Variants in RALGPS1 observed in about 807,000 individuals in gnomAD.
RALGPS1 encodes ras-specific guanine nucleotide-releasing factor RalGPS1.
In RALGPS1, 19 loss-of-function variants were observed where a neutral mutation model predicts 78.8. The observed-to-expected ratio is 0.24, with a 90% CI of 0.17 to 0.35. RALGPS1 has a LOEUF of 0.35. RALGPS1 is among the 10% of genes least tolerant of loss of function. The probability of loss-of-function intolerance (pLI) is 1.00; values close to 1 mark genes in which losing one functional copy is unlikely to be tolerated. For missense variants in RALGPS1, 454 were observed against 688.3 expected (o/e 0.66, Z 3.81); for synonymous variants, 228 against 256.3 (o/e 0.89, Z 1.06).
intron 3 of RALGPS1, among the ~76,000 whole-genome samples, chr9:126,969,288 G>C (rs1052773480): frequency 5.3e-5 from 8 of 152,184 alleles, no homozygotes; most frequent in African/African-American, 1.7e-4. Context: ...GAGTGCAGTG[G>C]CTATTCACAG....
chr9:127,132,190 T>A (rs2057050041), intron 8 of RALGPS1, among the ~76,000 whole-genome samples: 1 of 152,224 alleles, frequency 6.6e-6, no homozygotes, highest in Non-Finnish European at 1.5e-5. Context: ...TTCACTCTTC[T>A]GAGTGTCATT....
At chr9:127,170,021 G>A (rs943838998) in intron 10 of RALGPS1, among the ~76,000 whole-genome samples, 1 of 152,300 alleles carries the variant, frequency 6.6e-6, no homozygotes, top group Admixed American at 6.5e-5. Context: ...ATCTTATGAT[G>A]GCTTCCAATA....
intron 1 of RALGPS1, among the ~76,000 whole-genome samples, chr9:126,956,267 A>G (rs114383436): frequency 0.014 from 2,085 of 151,856 alleles, 58 homozygotes; most frequent in African/African-American, 0.047. Flanking sequence ...GGCCAGGCTA[A>G]CCCCCTCAGT....
At position 127,096,402 on chromosome 9, in the gene RALGPS1, G is replaced by A. The variant is rs547466064; in HGVS notation, c.610+27046G>A. ...GTGACGGAAGATCCGGCAGAAGCCT[G>A]CAAAATAACGCCCACTGAGAGCGAG... On this transcript the variant is annotated intron_variant, in intron 8 of 18. Transcript: ENST00000259351. Among the ~76,000 whole-genome samples the A allele has an allele frequency of 1.8e-4, 28 of 152,334 alleles. No homozygotes were observed. The East Asian group carries it at 5.4e-3, about 29-fold the overall frequency.
At chr9:127,185,218 G>GTACA (rs2060565372) in intron 11 of RALGPS1, among the ~76,000 whole-genome samples, 1 of 152,120 alleles carries the variant, frequency 6.6e-6, no homozygotes, top group African/African-American at 2.4e-5. Context: ...ACTTTCTAGG[G>GTACA]TACACATCTG....
intron 7 of RALGPS1, among the ~76,000 whole-genome samples, chr9:127,054,613 G>C (rs751772912): frequency 2.0e-5 from 3 of 152,164 alleles, no homozygotes; most frequent in Non-Finnish European, 2.9e-5. Context: ...GGACCACTCT[G>C]TTTGGCTTGA....
At chr9:126,915,285 G>A (rs1197282597) in intron 1 of RALGPS1, among the ~76,000 whole-genome samples, 1 of 128,168 alleles carries the variant, frequency 7.8e-6, no homozygotes, top group Non-Finnish European at 1.7e-5. Context: ...GGGCGGGGCC[G>A]GGGGGGCAGT....
At chr9:127,113,354 T>C (rs748381453) in intron 8 of RALGPS1, among the ~76,000 whole-genome samples, 2 of 152,190 alleles carry the variant, frequency 1.3e-5, no homozygotes, top group Non-Finnish European at 2.9e-5. Flanking sequence ...TTTATTTTCC[T>C]TGGAGTCCAA....
At chr9:127,116,289 G>A (rs961019993) in intron 8 of RALGPS1, among the ~76,000 whole-genome samples, 6 of 152,056 alleles carry the variant, frequency 3.9e-5, no homozygotes, top group South Asian at 2.1e-4. Context: ...TGGAGGAGGC[G>A]GGTTGTGGTC....
chr9:126,925,403 C>T (rs1401911842), intron 1 of RALGPS1, among the ~76,000 whole-genome samples: 2 of 151,802 alleles, frequency 1.3e-5, no homozygotes, highest in African/African-American at 4.8e-5. Flanking sequence ...AAAAAATTAG[C>T]CGGGCATGGT....
chr9:127,222,956 G>C lies in RALGPS1; in HGVS notation c.*4187G>C, dbSNP rs2062813465. The C allele has an allele frequency of 6.5e-6, 1 of 152,716 alleles. No homozygotes were observed. The highest frequency in any genetic ancestry group is 2.1e-4 in the South Asian group (1 of 4,828). 9.5% of individuals were successfully genotyped at this position (152,716 alleles called of 1,614,324 possible). The stretch of plus-strand genomic sequence containing the variant: ...TGTGTAAGGACTTTCTCTAATTCTT[G>C]TGAATCGTCTCACCCGCAGTAACCA... On this transcript the variant is annotated 3_prime_UTR_variant, in exon 19 of 19. Transcript: ENST00000259351.
chr9:127,178,349 G>A, intron 11 of RALGPS1: 1 of 628,634 alleles, frequency 1.6e-6, no homozygotes, highest in Non-Finnish European at 2.2e-6. Flanking sequence ...CAGCTGAATT[G>A]TGTGAACAGA....
chr9:126,931,316 G>T (rs1032048326), intron 1 of RALGPS1, among the ~76,000 whole-genome samples: 1 of 152,202 alleles, frequency 6.6e-6, no homozygotes. Context: ...ATGACTGCTA[G>T]CGGGCAGCCT....
intron 8 of RALGPS1, among the ~76,000 whole-genome samples, chr9:127,093,065 A>G (rs1039533346): frequency 2.8e-4 from 42 of 152,152 alleles, no homozygotes; most frequent in African/African-American, 9.4e-4. Context: ...GAGATTAAAC[A>G]AAATAATGCA....
Position 127,218,733 on chromosome 9 carries a change from C to T in RALGPS1, c.1645-7C>T. 1.2e-6 allele frequency: 2 copies of T among 1,613,952 alleles called. No individual in the cohort carries two copies. The highest frequency in any genetic ancestry group is 2.2e-5 in the East Asian group (1 of 44,890). ...ACTTTAACAAGAGGCTGAGCTTTCTCTTCTAGGTACCTGCAAACCTTATGT... is the reference window on the plus strand; with the variant it reads ...ACTTTAACAAGAGGCTGAGCTTTCTTTTCTAGGTACCTGCAAACCTTATGT... On this transcript the variant is annotated splice_region_variant and splice_polypyrimidine_tract_variant and intron_variant, in intron 18 of 18. Transcript: ENST00000259351. The surrounding 1 kb of genome is among the most constrained non-coding windows in gnomAD (Gnocchi z 4.4).
At chr9:126,996,348 A>G (rs528394258) in intron 4 of RALGPS1, among the ~76,000 whole-genome samples, 1 of 152,164 alleles carries the variant, frequency 6.6e-6, no homozygotes, top group East Asian at 1.9e-4. Context: ...TGATAAAGGG[A>G]TATCACCACT....
At chr9:127,038,120 G>T (rs538231416) in intron 5 of RALGPS1, among the ~76,000 whole-genome samples, 1 of 152,292 alleles carries the variant, frequency 6.6e-6, no homozygotes, top group East Asian at 1.9e-4. Context: ...AGTCCTGTCT[G>T]CCCTCTGAAC....
chr9:127,032,870 C>A (rs145788440), intron 4 of RALGPS1, among the ~76,000 whole-genome samples: 2 of 152,248 alleles, frequency 1.3e-5, no homozygotes, highest in African/African-American at 4.8e-5. Context: ...AAATATATGT[C>A]ATCAGAACAA....
chr9:126,919,533 A>G (rs1395980504), intron 1 of RALGPS1, among the ~76,000 whole-genome samples: 1 of 152,236 alleles, frequency 6.6e-6, no homozygotes, highest in East Asian at 1.9e-4. Context: ...GTGACTTGGA[A>G]CAATTTATCT....
Sources: gnomAD v4.1 joint callset for allele counts (sites outside exome capture counted in the v4.1 genomes callset) on GRCh38, gnomAD v4.1.1 for gene constraint, Gnocchi (gnomAD v3.1) non-coding constraint, MANE v1.5 for transcripts, NCBI Gene and HGNC (gene_info 2026-07-23, HGNC 2026-07-21) for gene names.